The following ANK3 variants were observed in gnomAD, a reference collection of about 807,000 sequenced individuals.
The protein encoded by ANK3 is ankyrin 3, also known as ankyrin-3.
ANK3 carries 57 observed loss-of-function variants against 370.9 expected under a neutral mutation model. The ratio of observed to expected loss-of-function variants is 0.15; its 90% CI spans 0.12 to 0.19. The LOEUF is 0.19. Ranked by LOEUF, ANK3 falls within the 10% of genes least tolerant of loss-of-function variation. The pLI is 1.00. For missense variants in ANK3, 4,439 were observed against 5,302.1 expected (o/e 0.84, Z 5.06); for synonymous variants, 1,929 against 1,946.3 (o/e 0.99, Z 0.23).
chr10:60,360,764 G>C (rs1277853752), intron 1 of ANK3, among the ~76,000 whole-genome samples: 1 of 152,074 alleles, frequency 6.6e-6, no homozygotes, highest in Admixed American at 6.5e-5. Context: ...GGAGACAGGA[G>C]CTGGATTTAT....
chr10:60,238,695 C>T (rs548474076), intron 7 of ANK3, among the ~76,000 whole-genome samples: 3 of 152,076 alleles, frequency 2.0e-5, no homozygotes, highest in African/African-American at 7.2e-5. Flanking sequence ...AGACTCCACC[C>T]CAAGCAGAAA....
At chr10:60,575,093 G>A (rs1346944350) in intron 2 of ANK3, among the ~76,000 whole-genome samples, 1 of 152,128 alleles carries the variant, frequency 6.6e-6, no homozygotes, top group Non-Finnish European at 1.5e-5. Flanking sequence ...CTGGCCAAGG[G>A]CATAGCACAA....
At chr10:60,489,846 A>T (rs1239769486) in intron 2 of ANK3, among the ~76,000 whole-genome samples, 1 of 152,230 alleles carries the variant, frequency 6.6e-6, no homozygotes, top group East Asian at 1.9e-4. Flanking sequence ...CTTCACAGGA[A>T]AAAAAGCAAA....
At chr10:60,198,195 G>C in intron 14 of ANK3, 145 bp downstream of exon 14, 1 of 790,926 alleles carries the variant, frequency 1.3e-6, no homozygotes, top group East Asian at 2.7e-5. Context: ...TCCCACCACA[G>C]AGCTTTGCTG....
chr10:60,048,110 T>A (rs1388464339), intron 42 of ANK3, among the ~76,000 whole-genome samples: 1 of 152,236 alleles, frequency 6.6e-6, no homozygotes, highest in African/African-American at 2.4e-5. Context: ...CCCAGACTTT[T>A]GGCAATCCAA....
intron 40 of ANK3, chr10:60,060,292 A>ATT (rs1470080965): frequency 4.6e-6 from 1 of 218,012 alleles, no homozygotes; most frequent in African/African-American, 2.3e-5. Context: ...TGCAGACTAA[A>ATT]TATATAAAGT....
intron 7 of ANK3, among the ~76,000 whole-genome samples, chr10:60,247,680 T>A (rs2097578184): frequency 1.3e-5 from 2 of 152,144 alleles, no homozygotes; most frequent in African/African-American, 4.8e-5. Context: ...TTTTTTGTGG[T>A]GGGAGGAGAC....
At chr10:60,645,602 G>A (rs1350688759) in intron 1 of ANK3, among the ~76,000 whole-genome samples, 2 of 152,064 alleles carry the variant, frequency 1.3e-5, no homozygotes, top group African/African-American at 2.4e-5. Flanking sequence ...GTGGGTGCCT[G>A]TAATCCCAAC....
rs762436750 is a variant in ANK3, at chr10:60,072,045, C to A, written c.8836G>T (p.Asp2946Tyr). The A allele has an allele frequency of 4.3e-6, 7 of 1,614,122 alleles. No individual in the cohort carries two copies. Among genetic ancestry groups the A allele is most frequent in the South Asian group, 1.1e-5 (1 of 91,076 alleles). The change falls in exon 37 of 44, where the codon GAT becomes TAT. Residue 2946 changes from aspartate to tyrosine, a missense_variant. Transcript: ENST00000280772. ...CTCTCGCTCCTCCTGGAAGGCTGAT[C>A]AAGCAATCCGCCTGGATGGTCCCCT... Reference protein sequence around the residue: ...KEGDHPGGLLDQPSRRSESSA... With the variant: ...KEGDHPGGLLYQPSRRSESSA...
At chr10:60,590,181 T>C (rs1464183891) in intron 2 of ANK3, among the ~76,000 whole-genome samples, 1 of 152,176 alleles carries the variant, frequency 6.6e-6, no homozygotes, top group Non-Finnish European at 1.5e-5. Context: ...CCCTGCCCTA[T>C]CCAATATCGT....
At chr10:60,648,181 C>A (rs1288189661) in intron 1 of ANK3, among the ~76,000 whole-genome samples, 1 of 106,264 alleles carries the variant, frequency 9.4e-6, no homozygotes, top group African/African-American at 3.7e-5. Flanking sequence ...GAGATGGAGT[C>A]TCGCACTGTC....
chr10:60,247,544 C>A (rs1387180648), intron 7 of ANK3, among the ~76,000 whole-genome samples: 15 of 152,176 alleles, frequency 9.9e-5, no homozygotes, highest in Non-Finnish European at 1.6e-4. Context: ...CCCAGGACAA[C>A]CACCATCCTA....
chr10:60,647,014 T>C (rs2078718038), intron 1 of ANK3, among the ~76,000 whole-genome samples: 1 of 152,202 alleles, frequency 6.6e-6, no homozygotes, highest in African/African-American at 2.4e-5. Flanking sequence ...TTACAGACTT[T>C]CAGGGCTTTA....
At chr10:60,363,192 A>T (rs1182336955) in intron 1 of ANK3, among the ~76,000 whole-genome samples, 3 of 152,118 alleles carry the variant, frequency 2.0e-5, no homozygotes, top group African/African-American at 4.8e-5. Flanking sequence ...TGATAAAGGC[A>T]CTGAATAGCT....
chr10:60,242,538 A>G (rs2097481732), intron 7 of ANK3, among the ~76,000 whole-genome samples: 1 of 152,190 alleles, frequency 6.6e-6, no homozygotes, highest in African/African-American at 2.4e-5. Flanking sequence ...TGTCCTTAGC[A>G]TATGTCTAGT....
intron 1 of ANK3, among the ~76,000 whole-genome samples, chr10:60,280,329 G>T (rs2098142409): frequency 6.6e-6 from 1 of 152,090 alleles, no homozygotes; most frequent in South Asian, 2.1e-4. Context: ...AAAGTGTTGG[G>T]ATTATAGGCA....
At chr10:60,552,962 T>C (rs553148923) in intron 2 of ANK3, among the ~76,000 whole-genome samples, 16 of 152,298 alleles carry the variant, frequency 1.1e-4, no homozygotes, top group African/African-American at 2.2e-4. Flanking sequence ...AAGATGTGAC[T>C]TGCTCCTCCT....
intron 1 of ANK3, among the ~76,000 whole-genome samples, chr10:60,337,467 A>G (rs1339605492): frequency 6.6e-6 from 1 of 151,632 alleles, no homozygotes; most frequent in Non-Finnish European, 1.5e-5. Context: ...TCAATCCCAG[A>G]CTCCTACTTT....
chr10:60,630,930 G>A (rs952983773), intron 1 of ANK3, among the ~76,000 whole-genome samples: 32 of 152,246 alleles, frequency 2.1e-4, no homozygotes, highest in East Asian at 1.2e-3. Context: ...TGCCAAGGAC[G>A]TGGCACTGCT....
Sources: gnomAD v4.1 joint callset for allele counts (sites outside exome capture counted in the v4.1 genomes callset) on GRCh38, gnomAD v4.1.1 for gene constraint, MANE v1.5 for transcripts, NCBI Gene and HGNC (gene_info 2026-07-23, HGNC 2026-07-21) for gene names.